JAZF1: variants seen among roughly 807,000 people sequenced by gnomAD.
The protein encoded by JAZF1 is JAZF zinc finger 1.
Under a neutral mutation model 26.4 loss-of-function variants are expected in JAZF1, and 8 were observed. The ratio of observed to expected loss-of-function variants is 0.30; its 90% CI spans 0.18 to 0.55. The LOEUF is 0.55. Ranked by LOEUF, JAZF1 falls within the 20% of genes least tolerant of loss-of-function variation. The pLI, the probability that JAZF1 is intolerant of heterozygous loss-of-function variation, is 0.94. For missense variants in JAZF1, 199 were observed against 322.0 expected, an observed-to-expected ratio of 0.62 and a Z score of 2.92; for synonymous variants, 126 against 122.3, an observed-to-expected ratio of 1.03 and a Z score of -0.20.
intron 3 of JAZF1, among the ~76,000 whole-genome samples, chr7:27,857,501 G>GGGCGCCAAGGCTGAGGA (rs1194434774): frequency 6.6e-6 from 1 of 152,254 alleles, no homozygotes; most frequent in Admixed American, 6.5e-5. Flanking sequence ...CGGCCAGAGT[G>GGGCGCCAAGGCTGAGGA]GGCGCCAAGG....
chr7:27,998,386 C>T (rs1170755853), intron 1 of JAZF1, among the ~76,000 whole-genome samples: 1 of 152,148 alleles, frequency 6.6e-6, no homozygotes, highest in Non-Finnish European at 1.5e-5. Context: ...TTTGTTGCAT[C>T]AACAATTTAC....
At chr7:28,153,013 T>C (rs1289652667) in intron 1 of JAZF1, among the ~76,000 whole-genome samples, 2 of 152,332 alleles carry the variant, frequency 1.3e-5, no homozygotes, top group Non-Finnish European at 2.9e-5. Context: ...CTAGGGAGAA[T>C]TTTTAAAATT....
chr7:27,984,307 G>A lies in JAZF1; in HGVS notation c.188+7602C>T, dbSNP rs199924637. ...AAGAAAAGCTGGGGTTGCAATCCTA[G>A]TCTCTGATAAAATAGACTTTAAACC... On this transcript the variant is annotated intron_variant, in intron 2 of 4. Coordinates refer to ENST00000283928, the MANE Select transcript of JAZF1 (RefSeq NM_175061.4). Among the ~76,000 whole-genome samples, 4 of 152,312 alleles carry A rather than the reference G, an allele frequency of 2.6e-5. No homozygotes were observed. In the East Asian group the frequency reaches 7.7e-4, roughly 29 times the overall value.
chr7:28,149,949 A>G (rs1583586590), intron 1 of JAZF1, among the ~76,000 whole-genome samples: 2 of 152,332 alleles, frequency 1.3e-5, no homozygotes, highest in East Asian at 3.9e-4. Context: ...GAGCAAACAC[A>G]GCGCCCACGT....
chr7:28,083,519 C>T (rs1223147841), intron 1 of JAZF1, among the ~76,000 whole-genome samples: 1 of 152,110 alleles, frequency 6.6e-6, no homozygotes, highest in Non-Finnish European at 1.5e-5. Context: ...CTTTTTAAGG[C>T]TGTTTGCAAA....
chr7:27,995,198 T>G (rs1400145079), intron 1 of JAZF1, among the ~76,000 whole-genome samples: 2 of 152,228 alleles, frequency 1.3e-5, no homozygotes, highest in African/African-American at 4.8e-5. Context: ...CACACATTTA[T>G]GGTGCCGATA....
At chr7:28,039,810 G>C (rs1259394154) in intron 1 of JAZF1, among the ~76,000 whole-genome samples, 1 of 152,198 alleles carries the variant, frequency 6.6e-6, no homozygotes, top group Non-Finnish European at 1.5e-5. Flanking sequence ...TAACTGGAAT[G>C]ACTGAATACA....
intron 1 of JAZF1, among the ~76,000 whole-genome samples, chr7:28,050,453 T>A (rs113060953): frequency 5.9e-5 from 9 of 152,284 alleles, no homozygotes; most frequent in African/African-American, 2.2e-4. Context: ...AACCCCTGAA[T>A]TGTACACTTT....
At chr7:28,020,551 A>G (rs1205501566) in intron 1 of JAZF1, 8 of 471,150 alleles carry the variant, frequency 1.7e-5, no homozygotes, top group Non-Finnish European at 3.5e-5. Context: ...CATGACACTT[A>G]CGTTGTCCTA....
intron 1 of JAZF1, among the ~76,000 whole-genome samples, chr7:28,149,049 CA>C (rs1243130522): frequency 2.0e-5 from 3 of 152,260 alleles, no homozygotes; most frequent in African/African-American, 7.2e-5. Flanking sequence ...TCAAGTAGAG[CA>C]AAAATAACTC....
At chr7:28,093,954 C>T (rs2127923771) in intron 1 of JAZF1, among the ~76,000 whole-genome samples, 1 of 152,358 alleles carries the variant, frequency 6.6e-6, no homozygotes, top group South Asian at 2.1e-4. Context: ...CAACTTGACC[C>T]TCCCTCTTCA....
At chr7:28,074,848 C>A (rs1784027078) in intron 1 of JAZF1, among the ~76,000 whole-genome samples, 1 of 152,136 alleles carries the variant, frequency 6.6e-6, no homozygotes, top group Admixed American at 6.5e-5. Context: ...ACTGGAGAAT[C>A]CACTGTGAAT....
chr7:28,095,381 AT>A (rs2127924486), intron 1 of JAZF1, among the ~76,000 whole-genome samples: 1 of 152,250 alleles, frequency 6.6e-6, no homozygotes, highest in East Asian at 1.9e-4. Flanking sequence ...GAAGCAAAAC[AT>A]GATCTTCACA....
chr7:27,997,266 T>C lies in JAZF1; in HGVS notation c.116-5285A>G, dbSNP rs147357198. On this transcript the variant is annotated intron_variant, in intron 1 of 4. Coordinates refer to ENST00000283928, the MANE Select transcript of JAZF1 (RefSeq NM_175061.4). Reference sequence around the variant, plus strand: ...GAAAATAGGGGGGTTGTTTAAAAGGTTGATTATCCAGGGACACTAAAGCAA... The same window carrying C: ...GAAAATAGGGGGGTTGTTTAAAAGGCTGATTATCCAGGGACACTAAAGCAA... Among the ~76,000 whole-genome samples the C allele has an allele frequency of 5.9e-5, 9 of 152,096 alleles. No homozygotes were observed. In the East Asian group the frequency reaches 1.6e-3, roughly 26 times the overall value.
intron 2 of JAZF1, among the ~76,000 whole-genome samples, chr7:27,898,913 A>G (rs1464416402): frequency 1.3e-5 from 2 of 152,132 alleles, no homozygotes; most frequent in Non-Finnish European, 2.9e-5. Context: ...ACCAAGGTAC[A>G]CAGCTGCACA....
At chr7:28,108,538 G>A (rs1472630981) in intron 1 of JAZF1, among the ~76,000 whole-genome samples, 4 of 152,240 alleles carry the variant, frequency 2.6e-5, no homozygotes, top group African/African-American at 9.6e-5. Context: ...ATCCCATGAG[G>A]CAGCCTGATC....
At chr7:27,857,187 C>A (rs1208905199) in intron 3 of JAZF1, among the ~76,000 whole-genome samples, 1 of 152,218 alleles carries the variant, frequency 6.6e-6, no homozygotes, top group Non-Finnish European at 1.5e-5. Flanking sequence ...CTGCAGGTCC[C>A]GAGCCCTGTT....
At chr7:28,086,124 T>C (rs182987975) in intron 1 of JAZF1, among the ~76,000 whole-genome samples, 8 of 152,330 alleles carry the variant, frequency 5.3e-5, no homozygotes, top group African/African-American at 1.9e-4. Context: ...CATCCCTATA[T>C]AAAACAATCT....
chr7:27,993,330 G>A (rs1785943057), intron 1 of JAZF1, among the ~76,000 whole-genome samples: 1 of 152,138 alleles, frequency 6.6e-6, no homozygotes. Flanking sequence ...CAGTAGCTCT[G>A]CGCTTCCTCA....
Sources: gnomAD v4.1 joint callset for allele counts (sites outside exome capture counted in the v4.1 genomes callset) on GRCh38, gnomAD v4.1.1 for gene constraint, MANE v1.5 for transcripts, NCBI Gene and HGNC (gene_info 2026-07-23, HGNC 2026-07-21) for gene names.